The following EFHD1 variants were observed in gnomAD, a reference collection of about 807,000 sequenced individuals.
The protein encoded by EFHD1 is EF-hand domain family member D1, also known as EF-hand domain-containing protein D1.
Under a neutral mutation model 17.2 loss-of-function variants are expected in EFHD1, and 10 were observed. The ratio of observed to expected loss-of-function variants is 0.58; its 90% CI spans 0.36 to 0.99. EFHD1 has a LOEUF of 0.99. Ranked by LOEUF, EFHD1 falls within the 50% of genes least tolerant of loss-of-function variation. The probability of loss-of-function intolerance (pLI) is 0.01; values close to 1 mark genes in which losing one functional copy is unlikely to be tolerated. For missense variants in EFHD1, 310 were observed against 327.5 expected (o/e 0.95, Z 0.41); for synonymous variants, 153 against 142.0 (o/e 1.08, Z -0.55).
intron 1 of EFHD1, among the ~76,000 whole-genome samples, chr2:232,640,014 A>C (rs1269545399): frequency 6.6e-6 from 1 of 152,070 alleles, no homozygotes; most frequent in Admixed American, 6.6e-5. Context: ...ACACCCCTCT[A>C]TAGCCTCCTC....
At chr2:232,629,698 A>G (rs376657864), upstream of EFHD1, among the ~76,000 whole-genome samples, 6 of 152,094 alleles carry the variant, frequency 3.9e-5, no homozygotes, top group African/African-American at 1.4e-4. Context: ...CGAACTCCTG[A>G]CCTCAGGTGA....
intron 1 of EFHD1, among the ~76,000 whole-genome samples, chr2:232,615,174 CTGTT>C (rs1285430944): frequency 2.6e-5 from 4 of 152,164 alleles, no homozygotes; most frequent in East Asian, 3.9e-4. Context: ...TGTTAACTGA[CTGTT>C]TGCGCTATAG....
intron 2 of EFHD1, among the ~76,000 whole-genome samples, chr2:232,670,347 G>A (rs997767709): frequency 2.6e-5 from 4 of 151,968 alleles, no homozygotes; most frequent in African/African-American, 7.3e-5. Context: ...AGGCTGAGGC[G>A]GGAGGATCAC....
chr2:232,676,882 C>G (rs1441810732), intron 3 of EFHD1, among the ~76,000 whole-genome samples: 4 of 152,034 alleles, frequency 2.6e-5, no homozygotes, highest in African/African-American at 9.7e-5. Context: ...TGGCTCACAC[C>G]TGGACACTTT....
At chr2:232,610,051 G>A (rs1327416028) in intron 1 of EFHD1, among the ~76,000 whole-genome samples, 1 of 152,228 alleles carries the variant, frequency 6.6e-6, no homozygotes, top group East Asian at 1.9e-4. Context: ...AAAGGAGAGG[G>A]CTCAGGGCAC....
intron 1 of EFHD1, among the ~76,000 whole-genome samples, chr2:232,640,150 A>G (rs1036170127): frequency 2.6e-5 from 4 of 152,218 alleles, no homozygotes; most frequent in Admixed American, 1.3e-4. Flanking sequence ...TCCCAGCAAG[A>G]TGAAACCTGA....
chr2:232,609,573 G>A (rs1052291347), intron 1 of EFHD1, among the ~76,000 whole-genome samples: 1 of 152,102 alleles, frequency 6.6e-6, no homozygotes, highest in Non-Finnish European at 1.5e-5. Context: ...TGGCCCCCCA[G>A]TAGGAAGGAT....
chr2:232,635,346 T>G (rs1472897899), intron 1 of EFHD1, among the ~76,000 whole-genome samples: 1 of 152,150 alleles, frequency 6.6e-6, no homozygotes, highest in Admixed American at 6.5e-5. Context: ...GGAGGGACCT[T>G]TATCTTCAAG....
intron 2 of EFHD1, among the ~76,000 whole-genome samples, chr2:232,666,384 C>G (rs1179512458): frequency 6.6e-6 from 1 of 152,210 alleles, no homozygotes; most frequent in Non-Finnish European, 1.5e-5. Context: ...CCGAATACCC[C>G]TGGAGTATAG....
intron 2 of EFHD1, among the ~76,000 whole-genome samples, chr2:232,669,881 G>A (rs979394337): frequency 1.3e-5 from 2 of 152,122 alleles, no homozygotes; most frequent in African/African-American, 4.8e-5. Context: ...TTACAGGCGT[G>A]AGCCACTGCA....
rs560856380 is a variant in EFHD1, at chr2:232,615,132, T to G, written c.14+8959T>G. Reference sequence around the variant, plus strand: ...AGTCTCCCAAGTAGAGGGGACTACATGCACCCACCACCACTTACAGCTCGA... The same window carrying G: ...AGTCTCCCAAGTAGAGGGGACTACAGGCACCCACCACCACTTACAGCTCGA... On this transcript the variant is annotated intron_variant, in intron 1 of 3. Transcript: ENST00000409613. 2.2e-3 allele frequency among the ~76,000 whole-genome samples: 335 copies of G among 152,200 alleles called. 4 individuals carry two copies. Among genetic ancestry groups the G allele is most frequent in the Middle Eastern group, 3.4e-3 (1 of 294 alleles).
At chr2:232,655,504 A>G (rs1009990466) in intron 1 of EFHD1, among the ~76,000 whole-genome samples, 1 of 152,236 alleles carries the variant, frequency 6.6e-6, no homozygotes, top group Non-Finnish European at 1.5e-5. Context: ...AGTTTTGGAC[A>G]CATACGGAAG....
intron 1 of EFHD1, among the ~76,000 whole-genome samples, chr2:232,643,191 G>T (rs1334097972): frequency 1.4e-5 from 2 of 142,550 alleles, no homozygotes; most frequent in Non-Finnish European, 3.1e-5. Flanking sequence ...AGCTAGAAGT[G>T]AAAAAAAAAA....
Position 232,612,979 on chromosome 2 carries a change from C to T in EFHD1, c.14+6806C>T, listed in dbSNP as rs1218326101. ...AACTCGTGACCTCAGGTGATCCACC[C>T]GCTTTAGCCTCCCAAAGTGCTGGGA... On this transcript the variant is annotated intron_variant, in intron 1 of 3. Transcript: ENST00000409613. Among the ~76,000 whole-genome samples, 5 of 151,952 alleles carry T rather than the reference C, an allele frequency of 3.3e-5. No individual in the cohort carries two copies. The East Asian group carries it at 7.7e-4, about 23-fold the overall frequency.
intron 1 of EFHD1, among the ~76,000 whole-genome samples, chr2:232,613,781 T>TGC: frequency 7.4e-6 from 1 of 135,764 alleles, no homozygotes; most frequent in Non-Finnish European, 1.6e-5. Context: ...CACACAAATA[T>TGC]ACACACACAT....
intron 1 of EFHD1, 122 bp from the exon 2 acceptor site, chr2:232,662,680 T>C (rs1694895179): frequency 2.2e-6 from 3 of 1,353,384 alleles, no homozygotes; most frequent in Admixed American, 3.3e-5. Flanking sequence ...GTGACCCACA[T>C]TGGCCTCGCA....
intron 1 of EFHD1, among the ~76,000 whole-genome samples, chr2:232,639,154 C>G (rs1394564320): frequency 1.3e-5 from 2 of 152,138 alleles, no homozygotes; most frequent in African/African-American, 4.8e-5. Flanking sequence ...CTCCCTCTCC[C>G]TGGGATGTCT....
In EFHD1 at chr2:232,633,647, C is replaced by G; in HGVS notation, c.-58C>G. 7.3e-7 allele frequency: 1 copy of G among 1,366,932 alleles called. No homozygotes were observed. Among genetic ancestry groups the G allele is most frequent in the Non-Finnish European group, 9.3e-7 (1 of 1,070,658 alleles). 84.7% of individuals were successfully genotyped at this position (1,366,932 alleles called of 1,614,324 possible). A position where few individuals can be genotyped will look rare whatever the true frequency, so the allele number is the denominator to read the frequency against. On this transcript the variant is annotated 5_prime_UTR_variant, in exon 1 of 4. Coordinates refer to ENST00000264059, the MANE Select transcript of EFHD1 (RefSeq NM_025202.4). ...GAGCCTGCGAGGAGCGCGCCGCCCGCCAGCTCCCTGCGTCCCGTCCCGCGT... is the reference window on the plus strand; with the variant it reads ...GAGCCTGCGAGGAGCGCGCCGCCCGGCAGCTCCCTGCGTCCCGTCCCGCGT...
At chr2:232,631,722 C>G (rs567944385), upstream of EFHD1, among the ~76,000 whole-genome samples, 1 of 142,636 alleles carries the variant, frequency 7.0e-6, no homozygotes, top group African/African-American at 2.6e-5. Context: ...ACAAAACCAG[C>G]TGGGTGTGGT....
Sources: allele counts gnomAD v4.1 joint callset (sites outside exome capture counted in the v4.1 genomes callset), GRCh38; gene constraint gnomAD v4.1.1; transcripts MANE v1.5; gene names NCBI Gene and HGNC (gene_info 2026-07-23, HGNC 2026-07-21).